HDAC5: variants seen among roughly 807,000 people sequenced by gnomAD.
HDAC5 encodes histone deacetylase 5, also known as antigen NY-CO-9.
A neutral mutation model predicts 133.3 loss-of-function variants in HDAC5; 25 were observed. The ratio of observed to expected loss-of-function variants is 0.19; its 90% CI spans 0.14 to 0.26. HDAC5 has a LOEUF of 0.26. Among genes scored for constraint, HDAC5 ranks in the 10% least tolerant of loss-of-function variants. HDAC5 has a pLI of 1.00. For missense variants in HDAC5, 1,041 were observed against 1,460.5 expected (o/e 0.71, Z 4.68); for synonymous variants, 589 against 610.8 (o/e 0.96, Z 0.53).
chr17:44,100,271 C>T (rs1454351657), intron 3 of HDAC5, among the ~76,000 whole-genome samples: 4 of 152,114 alleles, frequency 2.6e-5, no homozygotes, highest in Non-Finnish European at 5.9e-5. Context: ...TCAGAGACAA[C>T]ATCTCCAACT....
chr17:44,113,340 G>T (rs922805711), intron 2 of HDAC5, among the ~76,000 whole-genome samples: 2 of 152,102 alleles, frequency 1.3e-5, no homozygotes, highest in Non-Finnish European at 2.9e-5. Context: ...CGGGAGCTGG[G>T]GAGCCAGCTC....
At chr17:44,080,081 C>T in intron 23 of HDAC5, 26 bp downstream of exon 23, 1 of 1,499,430 alleles carries the variant, frequency 6.7e-7, no homozygotes, top group Non-Finnish European at 9.3e-7. Context: ...GTTTCACTTC[C>T]TCCCTCAATC....
At position 44,117,569 on chromosome 17, in the gene HDAC5, G is replaced by A; in HGVS notation, c.-54C>T. On this transcript the variant is annotated 5_prime_UTR_variant, in exon 2 of 27. Transcript: ENST00000682912. This position sits in a 1 kb window ranked among gnomAD's most constrained non-coding sequence, Gnocchi z 4.2. Reference sequence around the variant, plus strand: ...GTTGGGGGCTGGGACGGGAGGGGGTGGAGCTGCGGTGATGTCAAGAGAGAC... The same window carrying A: ...GTTGGGGGCTGGGACGGGAGGGGGTAGAGCTGCGGTGATGTCAAGAGAGAC... The A allele has an allele frequency of 6.3e-7, 1 of 1,595,608 alleles. No homozygotes were observed. The highest frequency in any genetic ancestry group is 8.6e-7 in the Non-Finnish European group (1 of 1,166,514).
chr17:44,086,535 G>A, intron 14 of HDAC5, 37 bp downstream of exon 14: 1 of 1,282,578 alleles, frequency 7.8e-7, no homozygotes, highest in Middle Eastern at 3.0e-4. Context: ...GCCCTCTGGT[G>A]CCTGGCAGAA....
At chr17:44,120,373 T>G (rs1186018755) in intron 1 of HDAC5, 1 of 152,102 alleles carries the variant, frequency 6.6e-6, no homozygotes, top group African/African-American at 2.4e-5. Context: ...AGGTCATAGG[T>G]GACAGGGTCA....
intron 1 of HDAC5, among the ~76,000 whole-genome samples, chr17:44,119,642 C>T (rs970952756): frequency 6.6e-6 from 1 of 152,192 alleles, no homozygotes; most frequent in African/African-American, 2.4e-5. Context: ...GAGTGTCTGC[C>T]AACACCCCCA....
At chr17:44,091,226 C>T (rs770734021) in intron 11 of HDAC5, 44 bp downstream of exon 11, 13 of 1,460,032 alleles carry the variant, frequency 8.9e-6, no homozygotes, top group Non-Finnish European at 1.2e-5. Flanking sequence ...GACAGTTGGT[C>T]CTGACCTTAG....
Position 44,085,158 on chromosome 17 carries a change from G to C in HDAC5, c.2051-3C>G. 1 of 1,588,484 alleles carries C rather than the reference G, an allele frequency of 6.3e-7. No homozygotes were observed. The highest frequency in any genetic ancestry group is 8.6e-7 in the Non-Finnish European group (1 of 1,159,214). ...CATGAACGTGTCGTAGACCACACCTGGGCCACAGACCTATGTGTCAGCCAG... is the reference window on the plus strand; with the variant it reads ...CATGAACGTGTCGTAGACCACACCTCGGCCACAGACCTATGTGTCAGCCAG... On this transcript the variant is annotated splice_polypyrimidine_tract_variant and splice_region_variant and intron_variant, in intron 14 of 26. Transcript: ENST00000682912.
intron 21 of HDAC5, 115 bp from the exon 22 acceptor site, chr17:44,080,613 G>A (rs1474395707): frequency 7.6e-6 from 11 of 1,453,904 alleles, no homozygotes; most frequent in Non-Finnish European, 9.6e-6. Context: ...CTGCCTGGAG[G>A]GGCAGTCAGA....
At position 44,117,984 on chromosome 17, in the gene HDAC5, T is replaced by C. The variant is rs980531509; in HGVS notation, c.-189-280A>G. 1.3e-5 allele frequency among the ~76,000 whole-genome samples: 2 copies of C among 152,134 alleles called. No homozygotes were observed. Among genetic ancestry groups the C allele is most frequent in the Admixed American group, 6.5e-5 (1 of 15,284 alleles). On this transcript the variant is annotated intron_variant, in intron 1 of 26. Transcript: ENST00000682912. The surrounding 1 kb of genome is among the most constrained non-coding windows in gnomAD (Gnocchi z 4.2). ...TCTACTGCCAGCTGGGGAGACCCTA[T>C]AGACTCCCAACAGTGCCTGCCATGG...
At position 44,084,975 on chromosome 17, in the gene HDAC5, A is replaced by G. The variant is rs527499674; in HGVS notation, c.2184+47T>C. ...GAGAGGCTTATCTAACAGGGAAACA[A>G]AGGCTGGATTTAAGTTGAGAGCCAG... On this transcript the variant is annotated intron_variant, in intron 15 of 26. Transcript: ENST00000682912. 5.8e-6 allele frequency: 9 copies of G among 1,554,576 alleles called. No homozygotes were observed. The South Asian group carries it at 9.3e-5, about 16-fold the overall frequency.
intron 3 of HDAC5, among the ~76,000 whole-genome samples, chr17:44,110,058 C>T (rs2052238869): frequency 6.6e-6 from 1 of 152,248 alleles, no homozygotes; most frequent in Non-Finnish European, 1.5e-5. Context: ...CCATCTGAGC[C>T]AGAGTAACAC....
chr17:44,107,090 G>C (rs2052001066), intron 3 of HDAC5, among the ~76,000 whole-genome samples: 1 of 152,084 alleles, frequency 6.6e-6, no homozygotes, highest in Non-Finnish European at 1.5e-5. Context: ...AACTACAGGT[G>C]CATGCTACTG....
At chr17:44,087,728 G>A (rs1567991214) in intron 12 of HDAC5, 32 bp from the exon 13 acceptor site, 2 of 1,533,424 alleles carry the variant, frequency 1.3e-6, no homozygotes, top group South Asian at 2.5e-5. Context: ...ACATCAGCTG[G>A]GAGTTGGGGA....
At chr17:44,097,734 C>CT (rs1456009540) in intron 3 of HDAC5, among the ~76,000 whole-genome samples, 5 of 152,296 alleles carry the variant, frequency 3.3e-5, no homozygotes, top group Non-Finnish European at 5.9e-5. Flanking sequence ...TCCAGCCTGC[C>CT]TGCCCAGGGA....
At chr17:44,105,844 G>A (rs947488072) in intron 3 of HDAC5, among the ~76,000 whole-genome samples, 3 of 152,162 alleles carry the variant, frequency 2.0e-5, no homozygotes, top group African/African-American at 7.2e-5. Context: ...TGGGCCCTGT[G>A]ACCCATGTCC....
In HDAC5 at chr17:44,077,281, C is replaced by G. The variant is rs1005017983; in HGVS notation, c.*1095G>C. On this transcript the variant is annotated 3_prime_UTR_variant, in exon 27 of 27. Coordinates refer to ENST00000682912, the MANE Select transcript of HDAC5 (RefSeq NM_005474.5). ...AAGAGAAGGGACAGCGCCCAGCCCCCTCCTGGTCTTAGCTCCCTTGGGCTG... is the reference window on the plus strand; with the variant it reads ...AAGAGAAGGGACAGCGCCCAGCCCCGTCCTGGTCTTAGCTCCCTTGGGCTG... 7 of 152,654 alleles carry G rather than the reference C, an allele frequency of 4.6e-5. No homozygotes were observed. Among genetic ancestry groups the G allele is most frequent in the Admixed American group, 2.0e-4 (3 of 15,276 alleles). 9.5% of individuals were successfully genotyped at this position (152,654 alleles called of 1,614,324 possible).
At chr17:44,113,229 GC>G (rs1398920539) in intron 2 of HDAC5, among the ~76,000 whole-genome samples, 1 of 152,140 alleles carries the variant, frequency 6.6e-6, no homozygotes, top group East Asian at 1.9e-4. Context: ...CAAAAGCAGG[GC>G]CCCCAGAACC....
In HDAC5 at chr17:44,080,850, C is replaced by T. The variant is rs571457835; in HGVS notation, c.2640G>A (p.Ala880=). 1.3e-5 allele frequency: 21 copies of T among 1,614,172 alleles called. No homozygotes were observed. The highest frequency in any genetic ancestry group is 6.6e-5 in the South Asian group (6 of 91,082). Reference sequence around the variant, plus strand: ...AGAGCACAGAGGGGTCATTGTAGAACGCCTGCTGGGTGCCATTGCCATGGT... The same window carrying T: ...AGAGCACAGAGGGGTCATTGTAGAATGCCTGCTGGGTGCCATTGCCATGGT... ...DIHHGNGTQQ[A]FYNDPSVLYI... Residue 880 remains alanine (A), a synonymous_variant, in exon 21 of 27, where the codon GCG becomes GCA. Coordinates refer to ENST00000682912, the MANE Select transcript of HDAC5 (RefSeq NM_005474.5).
Sources: gnomAD v4.1 joint callset for allele counts (sites outside exome capture counted in the v4.1 genomes callset) on GRCh38, gnomAD v4.1.1 for gene constraint, Gnocchi (gnomAD v3.1) non-coding constraint, MANE v1.5 for transcripts, NCBI Gene and HGNC (gene_info 2026-07-23, HGNC 2026-07-21) for gene names.